The following NIPBL variants were observed in gnomAD, a reference collection of about 807,000 sequenced individuals.
NIPBL encodes NIPBL cohesin loading factor.
NIPBL carries 19 observed loss-of-function variants against 321.8 expected under a neutral mutation model. That is an observed-to-expected ratio of 0.06 (90% CI 0.04 to 0.09). The LOEUF is 0.09. Among genes scored for constraint, NIPBL ranks in the 10% least tolerant of loss-of-function variants. The probability of loss-of-function intolerance (pLI) is 1.00; values close to 1 mark genes in which losing one functional copy is unlikely to be tolerated. For synonymous variants in NIPBL, 1,106 were observed against 1,114.1 expected, an observed-to-expected ratio of 0.99 and a Z score of 0.14; for missense variants, 2,210 against 3,327.0, an observed-to-expected ratio of 0.66 and a Z score of 8.26.
intron 15 of NIPBL, 112 bp downstream of exon 15, chr5:37,002,877 A>C: frequency 1.4e-6 from 1 of 696,798 alleles, no homozygotes. Flanking sequence ...TAAAAAGAAA[A>C]CTCATTGTTG....
chr5:37,023,640 T>C (rs1162371149), intron 29 of NIPBL, among the ~76,000 whole-genome samples: 1 of 152,106 alleles, frequency 6.6e-6, no homozygotes, highest in Non-Finnish European at 1.5e-5. Flanking sequence ...AGATCCTCCA[T>C]TGTCCTAAAA....
intron 1 of NIPBL, among the ~76,000 whole-genome samples, chr5:36,919,228 AAGAG>A (rs1246526742): frequency 6.6e-6 from 1 of 152,164 alleles, no homozygotes; most frequent in Non-Finnish European, 1.5e-5. Flanking sequence ...AGTTTAATAA[AAGAG>A]AGGGCATTTT....
chr5:36,976,873 TTAA>T lies in NIPBL; in HGVS notation c.1495+476_1495+478del, dbSNP rs760190628. On this transcript the variant is annotated intron_variant, in intron 9 of 46. Coordinates refer to ENST00000282516, the MANE Select transcript of NIPBL (RefSeq NM_133433.4). The stretch of plus-strand genomic sequence containing the variant: ...TCACTTGGTTTATGATCCTACTGGC[TTAA>T]TAATGTCAAATTTTTTTAGTAAACA... Among the ~76,000 whole-genome samples, 308 of 152,194 alleles carry T rather than the reference TTAA, an allele frequency of 2.0e-3. 3 individuals are homozygous for T. The highest frequency in any genetic ancestry group is 7.2e-4 in the Non-Finnish European group (49 of 67,976).
intron 21 of NIPBL, among the ~76,000 whole-genome samples, chr5:37,012,626 G>T (rs144075135): frequency 6.6e-6 from 1 of 152,154 alleles, no homozygotes. Context: ...CTTCCGCAGT[G>T]TTTGTGTCCC....
At chr5:36,922,698 A>G (rs937486085) in intron 1 of NIPBL, among the ~76,000 whole-genome samples, 1 of 152,198 alleles carries the variant, frequency 6.6e-6, no homozygotes, top group Non-Finnish European at 1.5e-5. Context: ...TCTGAGGTTC[A>G]TGTACTTATA....
intron 44 of NIPBL, among the ~76,000 whole-genome samples, chr5:37,060,366 G>A (rs779974909): frequency 6.6e-6 from 1 of 152,146 alleles, no homozygotes; most frequent in Non-Finnish European, 1.5e-5. Flanking sequence ...GTCTAGTTGT[G>A]TTGCTCATGG....
rs944483786 is a variant in NIPBL at position 37,026,346 on chromosome 5, A to C, written c.5808+19A>C. 6 of 1,449,772 alleles carry C rather than the reference A, an allele frequency of 4.1e-6. No homozygotes were observed. The highest frequency in any genetic ancestry group is 5.8e-6 in the Non-Finnish European group (6 of 1,032,166). The allele number at this position is 1,449,772 out of a possible 1,614,324, so 89.8% of individuals were successfully genotyped here. A position where few individuals can be genotyped will look rare whatever the true frequency, so the allele number is the denominator to read the frequency against. On this transcript the variant is annotated intron_variant, in intron 31 of 46. Transcript: ENST00000282516. Reference sequence around the variant, plus strand: ...CGATGTGGTAAGAAGGACTGGAACAAGGGTGTGGTCACTGTTGATCCAGAC... The same window carrying C: ...CGATGTGGTAAGAAGGACTGGAACACGGGTGTGGTCACTGTTGATCCAGAC...
intron 20 of NIPBL, among the ~76,000 whole-genome samples, chr5:37,009,051 G>T (rs2149680087): frequency 6.6e-6 from 1 of 152,240 alleles, no homozygotes; most frequent in East Asian, 1.9e-4. Context: ...CTACCCATTA[G>T]GTACCAATAG....
intron 1 of NIPBL, among the ~76,000 whole-genome samples, chr5:36,905,868 C>G (rs971769693): frequency 6.6e-6 from 1 of 151,940 alleles, no homozygotes; most frequent in African/African-American, 2.4e-5. Context: ...CTCAGCCTCC[C>G]AAGTAGCTGG....
Position 36,976,703 on chromosome 5 carries a change from A to G in NIPBL, c.1495+301A>G, listed in dbSNP as rs190258804. Reference sequence around the variant, plus strand: ...AAATGAACATTAGCATTTCTATATAACATGTATATTTCACAAGTTACATTA... The same window carrying G: ...AAATGAACATTAGCATTTCTATATAGCATGTATATTTCACAAGTTACATTA... On this transcript the variant is annotated intron_variant, in intron 9 of 46. Coordinates refer to ENST00000282516, the MANE Select transcript of NIPBL (RefSeq NM_133433.4). 5.3e-5 allele frequency among the ~76,000 whole-genome samples: 8 copies of G among 152,200 alleles called. No homozygotes were observed. In the East Asian group the frequency reaches 1.5e-3, roughly 29 times the overall value.
Position 36,985,368 on chromosome 5 carries a change from G to A in NIPBL, c.2188G>A (p.Asp730Asn), listed in dbSNP as rs374380375. ...TCCTGAAACCCCAAAACAGAAGGGTGATGGAAGGCCTGAAACTCCAAAGCA... is the reference window on the plus strand; with the variant it reads ...TCCTGAAACCCCAAAACAGAAGGGTAATGGAAGGCCTGAAACTCCAAAGCA... ...GHPETPKQKG[D>N]GRPETPKQKG... is the part of the protein sequence containing the mutation. The change falls in exon 10 of 47, where the codon GAT becomes AAT. Residue 730 changes from aspartate (D) to asparagine (N), a missense_variant. Asp to Asn is a conservative substitution (Grantham distance 23). Transcript: ENST00000282516. 1 of 1,613,670 alleles carries A rather than the reference G, an allele frequency of 6.2e-7. No individual in the cohort carries two copies. Among genetic ancestry groups the A allele is most frequent in the Non-Finnish European group, 8.5e-7 (1 of 1,179,926 alleles).
chr5:37,037,231 C>CA (rs950524330), intron 33 of NIPBL, among the ~76,000 whole-genome samples: 1 of 150,996 alleles, frequency 6.6e-6, no homozygotes, highest in African/African-American at 2.4e-5. Context: ...ACTGAAAATA[C>CA]AAAAAAATTA....
intron 1 of NIPBL, among the ~76,000 whole-genome samples, chr5:36,909,026 C>T (rs1215147475): frequency 6.6e-6 from 1 of 152,080 alleles, no homozygotes. Context: ...AAACTGAAAC[C>T]AAATAGCATA....
chr5:36,942,458 G>T (rs1260482645), intron 1 of NIPBL, among the ~76,000 whole-genome samples: 2 of 70,374 alleles, frequency 2.8e-5, no homozygotes, highest in East Asian at 4.4e-4. Flanking sequence ...AAAAAAAAAA[G>T]GCCAGGTGCG....
intron 29 of NIPBL, among the ~76,000 whole-genome samples, chr5:37,023,384 T>G (rs1749873270): frequency 1.3e-5 from 2 of 152,224 alleles, no homozygotes; most frequent in South Asian, 4.1e-4. Context: ...TCATGTATGA[T>G]GCTTTTTATT....
At chr5:36,920,142 G>A (rs914049040) in intron 1 of NIPBL, among the ~76,000 whole-genome samples, 1 of 151,636 alleles carries the variant, frequency 6.6e-6, no homozygotes, top group African/African-American at 2.4e-5. Flanking sequence ...TGATTTCATG[G>A]GATTAAAAAA....
chr5:37,054,761 T>G (rs960213271), intron 42 of NIPBL, among the ~76,000 whole-genome samples: 6 of 152,202 alleles, frequency 3.9e-5, no homozygotes, highest in Non-Finnish European at 7.4e-5. Context: ...ATCTGCTATA[T>G]AAACCAGGGA....
At chr5:36,892,718 C>T (rs571157000) in intron 1 of NIPBL, among the ~76,000 whole-genome samples, 69 of 151,530 alleles carry the variant, frequency 4.6e-4, no homozygotes, top group Admixed American at 1.2e-3. Flanking sequence ...TGTTCTCACT[C>T]ATAGGTGGGA....
intron 6 of NIPBL, 74 bp downstream of exon 6, chr5:36,962,348 A>G (rs969742972): frequency 5.3e-6 from 8 of 1,497,264 alleles, no homozygotes; most frequent in South Asian, 1.1e-5. Flanking sequence ...TTTTTAAAAT[A>G]TAATTATTAA....
Sources: gnomAD v4.1 joint callset for allele counts (sites outside exome capture counted in the v4.1 genomes callset) on GRCh38, gnomAD v4.1.1 for gene constraint, MANE v1.5 for transcripts, NCBI Gene and HGNC (gene_info 2026-07-23, HGNC 2026-07-21) for gene names.